Variants in MIPOL1 observed in about 807,000 individuals in gnomAD.
MIPOL1 encodes mirror-image polydactyly gene 1 protein.
MIPOL1 carries 57 observed loss-of-function variants against 60.9 expected under a neutral mutation model. That is an observed-to-expected ratio of 0.94 (90% CI 0.76 to 1.17). The LOEUF (loss-of-function observed/expected upper bound fraction) is 1.17, where lower values mean the gene tolerates loss of function less well. Ranked by LOEUF, MIPOL1 falls within the 50% of genes most tolerant of loss-of-function variation. The pLI is 0.00. For missense variants in MIPOL1, 551 were observed against 511.6 expected, an observed-to-expected ratio of 1.08 and a Z score of -0.74; for synonymous variants, 179 against 168.8, an observed-to-expected ratio of 1.06 and a Z score of -0.47.
rs182466436 is a variant in MIPOL1 at position 37,414,474 on chromosome 14, A to G, written c.937-8381A>G. 3.0e-3 allele frequency among the ~76,000 whole-genome samples: 461 copies of G among 152,276 alleles called. 3 individuals carry two copies. Among genetic ancestry groups the G allele is most frequent in the African/African-American group, 9.4e-3 (392 of 41,564 alleles). ...TGTATCATGTTTGTCAGCCATGTAG[A>G]TATCTTCCCTTGTGAAATATCTCTT... is the stretch of plus-strand genomic sequence containing the variant. On this transcript the variant is annotated intron_variant, in intron 10 of 12. Transcript: ENST00000684589.
intron 1 of MIPOL1, chr14:37,219,669 T>C (rs1414135559): frequency 6.6e-6 from 1 of 152,230 alleles, no homozygotes; most frequent in Non-Finnish European, 1.5e-5. Context: ...CATCTGACTA[T>C]GGCAAGGATC....
downstream of MIPOL1, chr14:37,552,275 TA>T (rs1294076425): frequency 7.2e-5 from 11 of 152,256 alleles, no homozygotes; most frequent in African/African-American, 2.7e-4. Flanking sequence ...CATATGCACA[TA>T]ATTGTAATTT....
chr14:37,421,341 T>C (rs1476023449), intron 10 of MIPOL1, among the ~76,000 whole-genome samples: 1 of 152,150 alleles, frequency 6.6e-6, no homozygotes, highest in African/African-American at 2.4e-5. Context: ...TATTACCCGT[T>C]CAGTATTTGA....
intron 1 of MIPOL1, among the ~76,000 whole-genome samples, chr14:37,243,051 A>G (rs1013542235): frequency 5.7e-4 from 87 of 152,254 alleles, no homozygotes; most frequent in African/African-American, 1.7e-3. Flanking sequence ...TGACTGGAGC[A>G]TAAGTATTTG....
At chr14:37,308,272 G>A (rs2086961219) in intron 8 of MIPOL1, 77 bp from the exon 9 acceptor site, 2 of 1,265,786 alleles carry the variant, frequency 1.6e-6, no homozygotes, top group African/African-American at 3.0e-5. Context: ...ATTCACATGT[G>A]CCTATTAATT....
intron 7 of MIPOL1, among the ~76,000 whole-genome samples, chr14:37,298,765 T>G (rs1401954593): frequency 6.6e-6 from 1 of 151,724 alleles, no homozygotes; most frequent in Admixed American, 6.6e-5. Flanking sequence ...CTCACACCAG[T>G]TAGAATGGCA....
chr14:37,238,930 G>A (rs887304190), intron 1 of MIPOL1, among the ~76,000 whole-genome samples: 6 of 151,800 alleles, frequency 4.0e-5, no homozygotes, highest in African/African-American at 1.4e-4. Context: ...TGCAGCCTGG[G>A]CAACAGAATG....
At chr14:37,444,138 A>G (rs1392994057) in intron 11 of MIPOL1, among the ~76,000 whole-genome samples, 1 of 152,210 alleles carries the variant, frequency 6.6e-6, no homozygotes, top group Non-Finnish European at 1.5e-5. Flanking sequence ...TTATTTGCAG[A>G]TGATATGTTG....
chr14:37,214,317 T>C (rs898310383), intron 1 of MIPOL1, among the ~76,000 whole-genome samples: 1 of 152,166 alleles, frequency 6.6e-6, no homozygotes, highest in African/African-American at 2.4e-5. Context: ...AACAAAAAGC[T>C]AAAAATCAGG....
intron 9 of MIPOL1, among the ~76,000 whole-genome samples, chr14:37,340,262 T>C (rs529638824): frequency 6.6e-6 from 1 of 152,126 alleles, no homozygotes; most frequent in East Asian, 1.9e-4. Flanking sequence ...AAAGCTTAAA[T>C]AGCAAAAATA....
chr14:37,236,623 AG>A (rs1226253076), intron 1 of MIPOL1, among the ~76,000 whole-genome samples: 1 of 151,918 alleles, frequency 6.6e-6, no homozygotes, highest in Non-Finnish European at 1.5e-5. Context: ...TTTTTAGTAG[AG>A]ACGGGGTTTC....
chr14:37,534,117 T>A (rs76126848), intron 12 of MIPOL1, among the ~76,000 whole-genome samples: 2,229 of 150,350 alleles, frequency 0.015, 56 homozygotes, highest in African/African-American at 0.051. Flanking sequence ...AAGAAGAAGA[T>A]GATGATGATC....
chr14:37,372,330 A>G (rs887846468), intron 10 of MIPOL1, among the ~76,000 whole-genome samples: 1 of 152,176 alleles, frequency 6.6e-6, no homozygotes, highest in African/African-American at 2.4e-5. Context: ...TGTCATTTTA[A>G]TAATAATGTC....
chr14:37,392,238 A>G (rs1207822836), intron 10 of MIPOL1, among the ~76,000 whole-genome samples: 2 of 9,096 alleles, frequency 2.2e-4, no homozygotes, highest in Non-Finnish European at 9.9e-4. Context: ...GTCTTCTTTG[A>G]TTTATTTAAT....
At chr14:37,532,595 C>T (rs994798711) in intron 12 of MIPOL1, among the ~76,000 whole-genome samples, 2 of 152,134 alleles carry the variant, frequency 1.3e-5, no homozygotes, top group African/African-American at 4.8e-5. Context: ...TAGTCTCAAA[C>T]CTGTCTCCTG....
At chr14:37,243,554 AGTATT>A (rs66906625) in intron 1 of MIPOL1, among the ~76,000 whole-genome samples, 32,079 of 152,046 alleles carry the variant, frequency 0.21, 3,771 homozygotes, top group South Asian at 0.32. Flanking sequence ...GATAAAATGA[AGTATT>A]GTAAATGATC....
At chr14:37,498,154 A>G (rs779363051) in intron 11 of MIPOL1, among the ~76,000 whole-genome samples, 4 of 152,154 alleles carry the variant, frequency 2.6e-5, no homozygotes, top group Non-Finnish European at 4.4e-5. Context: ...GGCAATTTAC[A>G]TTTTGATAAA....
At chr14:37,480,665 C>A (rs558513281) in intron 11 of MIPOL1, among the ~76,000 whole-genome samples, 2 of 152,138 alleles carry the variant, frequency 1.3e-5, no homozygotes, top group Non-Finnish European at 2.9e-5. Context: ...GATGCCAGCT[C>A]TCACCATTTC....
chr14:37,504,092 C>G (rs938765921), intron 12 of MIPOL1: 2 of 152,074 alleles, frequency 1.3e-5, no homozygotes, highest in Admixed American at 6.6e-5. Context: ...ACAGGAGCAC[C>G]CAGATTCATA....
Sources: gnomAD v4.1 joint callset for allele counts (sites outside exome capture counted in the v4.1 genomes callset) on GRCh38, gnomAD v4.1.1 for gene constraint, MANE v1.5 for transcripts, NCBI Gene and HGNC (gene_info 2026-07-23, HGNC 2026-07-21) for gene names.